The following STAG2 variants were observed in gnomAD, a reference collection of about 807,000 sequenced individuals.
The protein encoded by STAG2 is cohesin subunit SA-2.
Under a neutral mutation model 108.1 loss-of-function variants are expected in STAG2, and 14 were observed. The ratio of observed to expected loss-of-function variants is 0.13; its 90% confidence interval spans 0.09 to 0.20. The LOEUF (loss-of-function observed/expected upper bound fraction) is 0.20. Among genes scored for constraint, STAG2 ranks in the 10% least tolerant of loss-of-function variants. STAG2 has a pLI of 1.00. For missense variants in STAG2, 440 were observed against 940.9 expected, an observed-to-expected ratio of 0.47 and a Z score of 6.96; for synonymous variants, 307 against 302.7, an observed-to-expected ratio of 1.01 and a Z score of -0.15.
At chrX:123,979,594 G>A (rs1346587884) in intron 1 of STAG2, among the ~76,000 whole-genome samples, 1 of 111,419 alleles carries the variant, frequency 9.0e-6, no homozygotes, top group Non-Finnish European at 1.9e-5. Flanking sequence ...TGGGGGTTGG[G>A]AGGCAGTTGA....
At chrX:124,032,153 G>A (rs1028008535) in intron 5 of STAG2, among the ~76,000 whole-genome samples, 5 of 111,764 alleles carry the variant, frequency 4.5e-5, no homozygotes, top group East Asian at 2.8e-4. Flanking sequence ...ATTAAAATAC[G>A]AAGTCTTCTA....
chrX:124,037,030 C>T (rs1348095560), intron 5 of STAG2, among the ~76,000 whole-genome samples: 6 of 110,090 alleles, frequency 5.5e-5, no homozygotes. Flanking sequence ...GGATTACAGG[C>T]GTGCACCACC....
At chrX:124,061,703 A>G in intron 16 of STAG2, 68 bp from the exon 17 acceptor site, 2 of 795,961 alleles carry the variant, frequency 2.5e-6, no homozygotes, top group Non-Finnish European at 3.5e-6. Flanking sequence ...AATAATTACA[A>G]GTGGCATATA....
intron 33 of STAG2, among the ~76,000 whole-genome samples, chrX:124,094,859 C>G (rs1161057873): frequency 1.8e-5 from 2 of 111,222 alleles, no homozygotes; most frequent in African/African-American, 3.3e-5. Context: ...TTTGGTGCCT[C>G]GAAAGGAATA....
chrX:124,037,499 T>A (rs1211924552), intron 5 of STAG2, 28 bp from the exon 6 acceptor site: 1 of 1,026,194 alleles, frequency 9.7e-7, no homozygotes, highest in South Asian at 2.3e-5. Context: ...AAGAAGCTAA[T>A]GATTTTATTT....
intron 10 of STAG2, among the ~76,000 whole-genome samples, chrX:124,049,321 A>G (rs777363043): frequency 9.0e-6 from 1 of 111,641 alleles, no homozygotes; most frequent in South Asian, 3.8e-4. Flanking sequence ...AGTTACTGCT[A>G]TTTGGAGTTG....
intron 4 of STAG2, among the ~76,000 whole-genome samples, chrX:124,028,746 C>A (rs995474999): frequency 9.7e-6 from 1 of 103,621 alleles, no homozygotes; most frequent in Admixed American, 1.1e-4. Flanking sequence ...ATCAGAGATC[C>A]GCAATCTGTG....
At chrX:123,975,706 C>T (rs1401761123) in intron 1 of STAG2, among the ~76,000 whole-genome samples, 1 of 111,987 alleles carries the variant, frequency 8.9e-6, no homozygotes, top group South Asian at 3.7e-4. Flanking sequence ...TCAGGTGATC[C>T]GCCCACCTTG....
intron 1 of STAG2, among the ~76,000 whole-genome samples, chrX:124,019,271 AG>A (rs1475374259): frequency 9.1e-6 from 1 of 109,777 alleles, no homozygotes; most frequent in East Asian, 2.9e-4. Flanking sequence ...CATGTTATCC[AG>A]GATGGTCTCC....
chrX:124,020,107 T>C (rs2056874808), intron 1 of STAG2, among the ~76,000 whole-genome samples: 1 of 112,821 alleles, frequency 8.9e-6, no homozygotes. Flanking sequence ...CTGGGAATGC[T>C]TCTTTCTTTT....
chrX:123,998,328 A>C (rs2055850671), intron 1 of STAG2, among the ~76,000 whole-genome samples: 1 of 104,524 alleles, frequency 9.6e-6, no homozygotes, highest in South Asian at 4.3e-4. Context: ...CACCATGCCC[A>C]ACTAATTTTT....
rs903991168 is a variant in STAG2 at position 124,017,456 on chromosome X, C to T, written c.-162-3911C>T. On this transcript the variant is annotated intron_variant, in intron 1 of 34. Coordinates refer to ENST00000371145, the MANE Select transcript of STAG2 (RefSeq NM_001042750.2). ...TGAACCCCTGACCTCGTGATCTGCC[C>T]GCCTCAGCCTCCCAAAGTGTTTGGA... 8.1e-5 allele frequency among the ~76,000 whole-genome samples: 9 copies of T among 111,215 alleles called. No homozygotes were observed. In the East Asian group the frequency reaches 2.0e-3, roughly 24 times the overall value.
chrX:123,965,956 G>A (rs1020996071), intron 1 of STAG2, among the ~76,000 whole-genome samples: 12 of 110,216 alleles, frequency 1.1e-4, no homozygotes, highest in Admixed American at 1.1e-3. Flanking sequence ...CCACGATTGC[G>A]CCACTGCACC....
chrX:124,028,851 C>T (rs1370951766), intron 4 of STAG2, among the ~76,000 whole-genome samples: 4 of 98,397 alleles, frequency 4.1e-5, no homozygotes, highest in African/African-American at 1.5e-4. Context: ...TGGGGTCTCG[C>T]TCTGTTGACC....
intron 9 of STAG2, 96 bp from the exon 10 acceptor site, chrX:124,048,909 G>C (rs2057955589): frequency 1.6e-6 from 1 of 644,522 alleles, no homozygotes; most frequent in East Asian, 3.5e-5. Flanking sequence ...CCAAAATACT[G>C]GGGAATTCTG....
chrX:124,056,140 A>C lies in STAG2; in HGVS notation c.1209A>C (p.Glu403Asp), dbSNP rs770197898. 1.4e-5 allele frequency: 17 copies of C among 1,197,924 alleles called. No individual in the cohort carries two copies. In the Middle Eastern group the frequency reaches 6.9e-4, roughly 49 times the overall value. The change falls in exon 14 of 35, where the codon GAA becomes GAC. Residue 403 changes from glutamate to aspartate, a missense_variant. Physicochemically the swap from Glu to Asp is conservative, Grantham distance 45. Coordinates refer to ENST00000371145, the MANE Select transcript of STAG2 (RefSeq NM_001042750.2). Reference protein sequence around the residue: ...LLTLVLQSSEEVLTAEDCENV... With the variant: ...LLTLVLQSSEDVLTAEDCENV... ...GCTTATTTCTTAGGAGTAGTGAAGA[A>C]GTTCTCACTGCAGAAGATTGTGAAA...
intron 1 of STAG2, among the ~76,000 whole-genome samples, chrX:123,997,907 C>T (rs759642266): frequency 2.7e-5 from 3 of 112,421 alleles, no homozygotes; most frequent in East Asian, 5.6e-4. Flanking sequence ...TCCCAAAGTG[C>T]TGGGATCACA....
At chrX:123,966,873 A>C (rs761238418) in intron 1 of STAG2, among the ~76,000 whole-genome samples, 3 of 111,720 alleles carry the variant, frequency 2.7e-5, no homozygotes, top group South Asian at 7.4e-4. Context: ...TTATTGTAGT[A>C]AGTCAAGAAG....
chrX:123,980,068 A>T (rs767301184), intron 1 of STAG2, among the ~76,000 whole-genome samples: 1 of 112,042 alleles, frequency 8.9e-6, no homozygotes, highest in Non-Finnish European at 1.9e-5. Flanking sequence ...GCTTCTCAAA[A>T]CATTTCTTGC....
Sources: allele counts gnomAD v4.1 joint callset (sites outside exome capture counted in the v4.1 genomes callset), GRCh38; gene constraint gnomAD v4.1.1; transcripts MANE v1.5; gene names NCBI Gene and HGNC (gene_info 2026-07-23, HGNC 2026-07-21).